Variants in ETNPPL observed in about 807,000 individuals in gnomAD.
ETNPPL encodes the protein ethanolamine-phosphate phospho-lyase.
ETNPPL carries 30 observed loss-of-function variants against 55.5 expected under a neutral mutation model. The ratio of observed to expected loss-of-function variants is 0.54; its 90% CI spans 0.40 to 0.73. ETNPPL has a LOEUF of 0.73. ETNPPL is among the 30% of genes least tolerant of loss of function. The probability of loss-of-function intolerance (pLI) is 0.00; values close to 1 mark genes in which losing one functional copy is unlikely to be tolerated. For missense variants in ETNPPL, 528 were observed against 607.9 expected (o/e 0.87, Z 1.38); for synonymous variants, 202 against 207.2 (o/e 0.98, Z 0.21).
At chr4:108,759,502 ATCC>A (rs1342951117) in intron 3 of ETNPPL, among the ~76,000 whole-genome samples, 1 of 152,120 alleles carries the variant, frequency 6.6e-6, no homozygotes, top group Non-Finnish European at 1.5e-5. Flanking sequence ...TGGCCTATCA[ATCC>A]TTCAGCTACT....
intron 6 of ETNPPL, among the ~76,000 whole-genome samples, chr4:108,751,461 G>A (rs1020501427): frequency 6.6e-6 from 1 of 152,132 alleles, no homozygotes; most frequent in Non-Finnish European, 1.5e-5. Context: ...GAAAGTGGCA[G>A]GGTGGTTTGT....
intron 12 of ETNPPL, among the ~76,000 whole-genome samples, chr4:108,743,275 C>T (rs1728305049): frequency 6.6e-6 from 1 of 152,154 alleles, no homozygotes; most frequent in African/African-American, 2.4e-5. Context: ...ATGGCAAGGC[C>T]CTCTGCTGGA....
chr4:108,746,624 T>C, intron 10 of ETNPPL, 95 bp from the exon 11 acceptor site: 1 of 1,486,248 alleles, frequency 6.7e-7, no homozygotes, highest in South Asian at 1.2e-5. Context: ...GTATTCTGCA[T>C]TTAAGAAGCC....
At chr4:108,748,945 T>C (rs1728752450) in intron 8 of ETNPPL, among the ~76,000 whole-genome samples, 2 of 152,152 alleles carry the variant, frequency 1.3e-5, no homozygotes, top group Non-Finnish European at 2.9e-5. Flanking sequence ...ATCTAATGCA[T>C]GTGGGACTTA....
At chr4:108,747,788 G>C (rs1194328524) in intron 9 of ETNPPL, 1 of 440,006 alleles carries the variant, frequency 2.3e-6, no homozygotes, top group Admixed American at 4.4e-5. Context: ...GAATGCAGTG[G>C]CACAATCTCG....
chr4:108,748,935 A>G (rs555382688), intron 8 of ETNPPL, among the ~76,000 whole-genome samples: 1 of 152,278 alleles, frequency 6.6e-6, no homozygotes, highest in East Asian at 1.9e-4. Flanking sequence ...GTTTGGCCAT[A>G]TCTAATGCAT....
At position 108,762,941 on chromosome 4, in the gene ETNPPL, T is replaced by A. The variant is rs1482715715; in HGVS notation, c.-43A>T. On this transcript the variant is annotated 5_prime_UTR_variant, in exon 1 of 13. Transcript: ENST00000296486. ...CGCTGCGAAGGTGCAAGGTGCAAGG[T>A]CTGCGCGCCTCCTACGCGAGCCTGG... 3.1e-6 allele frequency: 5 copies of A among 1,589,328 alleles called. No homozygotes were observed. Among genetic ancestry groups the A allele is most frequent in the Non-Finnish European group, 4.3e-6 (5 of 1,158,486 alleles).
chr4:108,751,052 G>T (rs755067806), intron 6 of ETNPPL, 34 bp from the exon 7 acceptor site: 12 of 1,503,752 alleles, frequency 8.0e-6, no homozygotes, highest in South Asian at 1.1e-5. Context: ...AAGTCCATTA[G>T]GTCCCCCTAC....
intron 1 of ETNPPL, among the ~76,000 whole-genome samples, chr4:108,760,893 C>T (rs1468632745): frequency 3.3e-5 from 5 of 152,122 alleles, no homozygotes; most frequent in Admixed American, 6.6e-5. Flanking sequence ...GTTTCCCCTT[C>T]AATCTAATGT....
intron 5 of ETNPPL, among the ~76,000 whole-genome samples, chr4:108,753,796 GAAA>G (rs1729049664): frequency 8.9e-6 from 1 of 112,760 alleles, no homozygotes; most frequent in Non-Finnish European, 1.7e-5. Context: ...AAGAAAGAAA[GAAA>G]GAAAGAAAAG....
rs13124011 is a variant in ETNPPL at position 108,747,166 on chromosome 4, A to T, written c.1083-315T>A. Among the ~76,000 whole-genome samples, 4 of 13,470 alleles carry T rather than the reference A, an allele frequency of 3.0e-4. 1 individual carries two copies. The highest frequency in any genetic ancestry group is 3.7e-3 in the East Asian group (1 of 270). The allele number at this position is 13,470 out of a possible 152,430, so 8.8% of individuals were successfully genotyped here. A position where few individuals can be genotyped will look rare whatever the true frequency, so the allele number is the denominator to read the frequency against. On this transcript the variant is annotated intron_variant, in intron 9 of 12. Coordinates refer to ENST00000296486, the MANE Select transcript of ETNPPL (RefSeq NM_031279.4). ...TATATATAATATATATATATATATTATATATATATATATAATATATATATA... is the reference window on the plus strand; with the variant it reads ...TATATATAATATATATATATATATTTTATATATATATATAATATATATATA...
intron 7 of ETNPPL, among the ~76,000 whole-genome samples, chr4:108,750,661 A>C: frequency 7.7e-6 from 1 of 130,048 alleles, no homozygotes; most frequent in Admixed American, 7.6e-5. Context: ...AACCCTGACC[A>C]ATACAGATTT....
intron 11 of ETNPPL, 51 bp downstream of exon 11, chr4:108,746,348 G>T: frequency 6.4e-7 from 1 of 1,558,216 alleles, no homozygotes; most frequent in Non-Finnish European, 8.7e-7. Context: ...GGTTTGAGGG[G>T]TGGGTTTGGG....
Position 108,746,773 on chromosome 4 carries a change from G to A in ETNPPL, c.1161C>T (p.His387=), listed in dbSNP as rs759060586. 5.6e-6 allele frequency: 9 copies of A among 1,613,816 alleles called. No individual in the cohort carries two copies. Among genetic ancestry groups the A allele is most frequent in the Admixed American group, 1.7e-5 (1 of 60,008 alleles). Residue 387 remains histidine (H), a synonymous_variant, in exon 10 of 13, where the codon CAC becomes CAT. Coordinates refer to ENST00000296486, the MANE Select transcript of ETNPPL (RefSeq NM_031279.4). ...KRTPATAEAQ[H]IIYKMKEKRV... Reference sequence around the variant, plus strand: ...TGGGGGTGAATTACTTGTAGATGATGTGCTGAGCTTCAGCTGTGGCAGGGG... The same window carrying A: ...TGGGGGTGAATTACTTGTAGATGATATGCTGAGCTTCAGCTGTGGCAGGGG...
chr4:108,745,880 G>A (rs1416387822), intron 11 of ETNPPL, among the ~76,000 whole-genome samples: 13 of 136,710 alleles, frequency 9.5e-5, no homozygotes, highest in African/African-American at 2.9e-4. Context: ...GCAGTGAGCC[G>A]AGATCACAGC....
intron 5 of ETNPPL, 117 bp downstream of exon 5, chr4:108,754,503 A>G (rs923991867): frequency 3.6e-5 from 23 of 646,602 alleles, no homozygotes; most frequent in Non-Finnish European, 5.2e-5. Context: ...CAAGCCACAT[A>G]ACTGCTCTTG....
chr4:108,745,846 G>A (rs563865063), intron 11 of ETNPPL, among the ~76,000 whole-genome samples: 168 of 145,924 alleles, frequency 1.2e-3, no homozygotes, highest in Non-Finnish European at 1.7e-3. Context: ...CAGGAGAATC[G>A]CTGAAACCCG....
rs749920394 is a variant in ETNPPL, at chr4:108,759,805, T to G, written c.279A>C (p.Lys93Asn). 1 of 1,614,150 alleles carries G rather than the reference T, an allele frequency of 6.2e-7. No individual in the cohort carries two copies. The highest frequency in any genetic ancestry group is 8.5e-7 in the Non-Finnish European group (1 of 1,180,010). ...TCTCCGGCAGAGTTGCTGAAAGGCG[T>G]TTGGCATACTCAACAATGTTGTCGT... ...FLHDNIVEYA[K>N]RLSATLPEKL... The change falls in exon 3 of 13, where the codon AAA becomes AAC. Residue 93 changes from lysine to asparagine, a missense_variant. Lys to Asn is a moderately conservative substitution (Grantham distance 94, BLOSUM62 0). Coordinates refer to ENST00000296486, the MANE Select transcript of ETNPPL (RefSeq NM_031279.4).
At chr4:108,743,650 T>C in intron 12 of ETNPPL, 139 bp downstream of exon 12, 2 of 678,006 alleles carry the variant, frequency 2.9e-6, no homozygotes, top group South Asian at 1.7e-5. Context: ...GCACTCAAAA[T>C]TGCAACAATA....
Sources: gnomAD v4.1 joint callset for allele counts (sites outside exome capture counted in the v4.1 genomes callset) on GRCh38, gnomAD v4.1.1 for gene constraint, MANE v1.5 for transcripts, NCBI Gene and HGNC (gene_info 2026-07-23, HGNC 2026-07-21) for gene names.